Variants in GLI2 observed in about 807,000 individuals in gnomAD.
GLI2 encodes GLI family zinc finger 2, also known as transcription activator GLI2.
GLI2 carries 22 observed loss-of-function variants against 78.9 expected under a neutral mutation model. That is an observed-to-expected ratio of 0.28 (90% CI 0.20 to 0.40). GLI2 has a LOEUF of 0.40. Among genes scored for constraint, GLI2 ranks in the 10% least tolerant of loss-of-function variants. GLI2 has a pLI of 1.00. For missense variants in GLI2, 2,097 were observed against 2,213.2 expected, an observed-to-expected ratio of 0.95 and a Z score of 1.05; for synonymous variants, 974 against 963.7, an observed-to-expected ratio of 1.01 and a Z score of -0.20.
chr2:120,829,985 G>A (rs10209668), intron 2 of GLI2, among the ~76,000 whole-genome samples: 23,937 of 152,210 alleles, frequency 0.16, 1,915 homozygotes, highest in Middle Eastern at 0.23. Context: ...GTGTATATAT[G>A]TGCACGTGTG....
chr2:120,894,073 A>C (rs372262191), intron 2 of GLI2, among the ~76,000 whole-genome samples: 2 of 152,244 alleles, frequency 1.3e-5, no homozygotes, highest in African/African-American at 4.8e-5. Context: ...CGAGAGGCCT[A>C]TTGTGGGGAC....
rs533387510 is a variant in GLI2, at chr2:120,806,813, A to G, written c.148+9345A>G. Reference sequence around the variant, plus strand: ...GCGCCATTTGAAGCTGCTGTCCTCTATGAAGCTCTGTGTGGACACCAGAGG... The same window carrying G: ...GCGCCATTTGAAGCTGCTGTCCTCTGTGAAGCTCTGTGTGGACACCAGAGG... On this transcript the variant is annotated intron_variant, in intron 2 of 13. Transcript: ENST00000361492. Among the ~76,000 whole-genome samples the G allele has an allele frequency of 1.8e-4, 28 of 152,314 alleles. 1 individual carries two copies. In the South Asian group the frequency reaches 5.2e-3, roughly 28 times the overall value.
intron 5 of GLI2, among the ~76,000 whole-genome samples, chr2:120,966,737 G>T (rs1681875858): frequency 2.0e-5 from 3 of 152,238 alleles, no homozygotes; most frequent in Non-Finnish European, 2.9e-5. Context: ...TTGTTCAGTA[G>T]GTGGGTGCGG....
chr2:120,945,159 C>T (rs1269200619), intron 3 of GLI2, among the ~76,000 whole-genome samples: 2 of 152,248 alleles, frequency 1.3e-5, no homozygotes, highest in African/African-American at 4.8e-5. Flanking sequence ...GACCCAATCA[C>T]AGTCAGCAGG....
At chr2:120,933,477 A>G (rs189895624) in intron 3 of GLI2, among the ~76,000 whole-genome samples, 22 of 152,292 alleles carry the variant, frequency 1.4e-4, no homozygotes, top group African/African-American at 4.3e-4. Flanking sequence ...TAAGTCTCCA[A>G]GAGTCTGTAC....
rs1558857879 is a variant in GLI2 at position 120,886,214 on chromosome 2, GTA to G, written c.149-41143_149-41142del. ...TGTGTGTGTGTGTGTGTGTGTGCGT[GTA>G]TATTTTGGTTTTGGGTTTTTGTTTT... On this transcript the variant is annotated intron_variant, in intron 2 of 13. Coordinates refer to ENST00000361492, the MANE Select transcript of GLI2 (RefSeq NM_001374353.1). Among the ~76,000 whole-genome samples the G allele has an allele frequency of 1.0e-3, 61 of 60,568 alleles. 2 individuals are homozygous for G. Among genetic ancestry groups the G allele is most frequent in the African/African-American group, 5.2e-3 (58 of 11,174 alleles). 39.7% of individuals were successfully genotyped at this position (60,568 alleles called of 152,430 possible).
chr2:120,900,430 AG>A (rs1217775678), intron 2 of GLI2, among the ~76,000 whole-genome samples: 1 of 152,228 alleles, frequency 6.6e-6, no homozygotes, highest in Non-Finnish European at 1.5e-5. Context: ...GGACCAAAAC[AG>A]GCAGTTTCCA....
intron 1 of GLI2, among the ~76,000 whole-genome samples, chr2:120,772,809 C>G (rs1683561683): frequency 6.6e-6 from 1 of 152,204 alleles, no homozygotes; most frequent in Admixed American, 6.5e-5. Context: ...TGGTAAGAGG[C>G]ACATTTCCTT....
chr2:120,758,238 C>T (rs1479097998), intron 1 of GLI2, among the ~76,000 whole-genome samples: 1 of 152,236 alleles, frequency 6.6e-6, no homozygotes, highest in Non-Finnish European at 1.5e-5. Context: ...TTGCATTTTA[C>T]TCCTAGCACC....
intron 1 of GLI2, among the ~76,000 whole-genome samples, chr2:120,783,026 G>A (rs183180739): frequency 1.6e-4 from 25 of 152,284 alleles, no homozygotes; most frequent in African/African-American, 5.8e-4. Context: ...CGAAAGGAGA[G>A]GGGGAAGGAG....
intron 1 of GLI2, among the ~76,000 whole-genome samples, chr2:120,766,770 G>A (rs1037704051): frequency 2.6e-5 from 4 of 152,284 alleles, no homozygotes; most frequent in African/African-American, 9.6e-5. Context: ...ACATGAGAGA[G>A]TTGACATTAA....
intron 5 of GLI2, among the ~76,000 whole-genome samples, chr2:120,962,748 G>T (rs1456525416): frequency 6.6e-6 from 1 of 152,220 alleles, no homozygotes; most frequent in Non-Finnish European, 1.5e-5. Context: ...TATTTCCCAT[G>T]AGAGGCGGGG....
intron 8 of GLI2, chr2:120,972,663 G>A (rs760397368): frequency 9.6e-6 from 5 of 518,704 alleles, no homozygotes; most frequent in Middle Eastern, 3.2e-4. Flanking sequence ...ATGCCACCAG[G>A]GTTTGTGCAA....
At chr2:120,841,760 T>C (rs1432373065) in intron 2 of GLI2, among the ~76,000 whole-genome samples, 1 of 152,028 alleles carries the variant, frequency 6.6e-6, no homozygotes, top group Non-Finnish European at 1.5e-5. Context: ...GGCCTGTCCC[T>C]AGATTCCAGT....
At chr2:120,746,608 A>G (rs1682700629) in intron 1 of GLI2, among the ~76,000 whole-genome samples, 1 of 152,140 alleles carries the variant, frequency 6.6e-6, no homozygotes, top group Non-Finnish European at 1.5e-5. Flanking sequence ...TGGTCTCTGT[A>G]TTCAAGGTCT....
chr2:120,884,242 C>T (rs1031049625), intron 2 of GLI2, among the ~76,000 whole-genome samples: 10 of 152,156 alleles, frequency 6.6e-5, no homozygotes, highest in South Asian at 2.1e-4. Context: ...TGAGGTCGTC[C>T]GCACGGATGG....
At chr2:120,938,627 G>C (rs1367204203) in intron 3 of GLI2, among the ~76,000 whole-genome samples, 1 of 152,232 alleles carries the variant, frequency 6.6e-6, no homozygotes, top group Non-Finnish European at 1.5e-5. Context: ...AGCTGGCCAG[G>C]TCTGGTGTGG....
intron 3 of GLI2, among the ~76,000 whole-genome samples, chr2:120,947,794 G>T (rs937525206): frequency 6.6e-6 from 1 of 152,234 alleles, no homozygotes; most frequent in East Asian, 1.9e-4. Context: ...GGGACAGGCA[G>T]TGCCAGGTGC....
chr2:120,970,621 G>A lies in GLI2; in HGVS notation c.1059+15G>A. Reference sequence around the variant, plus strand: ...ACACCAACCAGGTAGGTGGGTGCAGGGGCCAGGATGGCCACTGGGTACTCA... The same window carrying A: ...ACACCAACCAGGTAGGTGGGTGCAGAGGCCAGGATGGCCACTGGGTACTCA... On this transcript the variant is annotated intron_variant, in intron 7 of 13. Coordinates refer to ENST00000361492, the MANE Select transcript of GLI2 (RefSeq NM_001374353.1). The A allele has an allele frequency of 6.3e-7, 1 of 1,595,552 alleles. No individual in the cohort carries two copies. The highest frequency in any genetic ancestry group is 8.6e-7 in the Non-Finnish European group (1 of 1,163,168).
Sources: allele counts gnomAD v4.1 joint callset (sites outside exome capture counted in the v4.1 genomes callset), GRCh38; gene constraint gnomAD v4.1.1; transcripts MANE v1.5; gene names NCBI Gene and HGNC (gene_info 2026-07-23, HGNC 2026-07-21).